Variants in NHSL2 observed in about 807,000 individuals in gnomAD.
NHSL2 encodes the protein NHS-like protein 2.
Under a neutral mutation model 53.4 loss-of-function variants are expected in NHSL2, and 27 were observed. That is an observed-to-expected ratio of 0.51 (90% confidence interval 0.37 to 0.70). The LOEUF is 0.70. NHSL2 is among the 30% of genes least tolerant of loss of function. The pLI, the probability that NHSL2 is intolerant of heterozygous loss-of-function variation, is 0.00. For synonymous variants in NHSL2, 408 were observed against 404.1 expected (o/e 1.01, Z -0.12); for missense variants, 892 against 980.1 (o/e 0.91, Z 1.20).
intron 1 of NHSL2, among the ~76,000 whole-genome samples, chrX:71,945,651 A>G (rs1243490770): frequency 8.9e-6 from 1 of 111,937 alleles, no homozygotes; most frequent in Non-Finnish European, 1.9e-5. Context: ...TTACTGAAGG[A>G]GATTATTTTT....
Position 71,972,050 on chromosome X carries a change from T to C in NHSL2, c.280+60683T>C, listed in dbSNP as rs1217979191. Among the ~76,000 whole-genome samples, 3 of 111,388 alleles carry C rather than the reference T, an allele frequency of 2.7e-5. No individual in the cohort carries two copies. The Admixed American group carries it at 2.9e-4, about 11-fold the overall frequency. ...TGTCTTTATTTTACTTTTTTTTTTT[T>C]CTGAGATGGAGTTTCACTCTTGTTT... On this transcript the variant is annotated intron_variant, in intron 1 of 7. Transcript: ENST00000633930.
At chrX:71,990,319 C>T (rs926083303) in intron 1 of NHSL2, among the ~76,000 whole-genome samples, 1 of 111,028 alleles carries the variant, frequency 9.0e-6, no homozygotes, top group Non-Finnish European at 1.9e-5. Context: ...AACAGACAGT[C>T]CCAGATTCTT....
At chrX:72,094,526 AACAAG>A in intron 1 of NHSL2, among the ~76,000 whole-genome samples, 1 of 110,698 alleles carries the variant, frequency 9.0e-6, no homozygotes, top group Non-Finnish European at 1.9e-5. Flanking sequence ...TAAAAAAAAA[AACAAG>A]ACAAGAAAAA....
At chrX:72,054,040 G>C (rs763199926) in intron 1 of NHSL2, among the ~76,000 whole-genome samples, 1 of 110,977 alleles carries the variant, frequency 9.0e-6, no homozygotes, top group Admixed American at 9.6e-5. Context: ...CCATCATGAA[G>C]AGAACCTCAC....
chrX:71,919,853 T>A (rs1490400938), intron 1 of NHSL2, among the ~76,000 whole-genome samples: 1 of 112,531 alleles, frequency 8.9e-6, no homozygotes, highest in African/African-American at 3.2e-5. Context: ...AGAGGATGGA[T>A]GCAAGCCGCA....
chrX:72,134,683 A>G lies in NHSL2; in HGVS notation c.739A>G (p.Ile247Val). 1 of 1,165,520 alleles carries G rather than the reference A, an allele frequency of 8.6e-7. No individual in the cohort carries two copies. The highest frequency in any genetic ancestry group is 1.1e-6 in the Non-Finnish European group (1 of 870,571). Residue 247 changes from isoleucine to valine, a missense_variant, in exon 4 of 8, where the codon ATT becomes GTT. Transcript: ENST00000633930. ...WPQLCSTQSD[I>V]VPINISGQQF... ...TCAGCTTTGCTCCACGCAGTCTGAC[A>G]TTGTGCCCATCAACATCTCTGGTAG...
At position 72,138,718 on chromosome X, in the gene NHSL2, T is replaced by C. The variant is rs1490849176; in HGVS notation, c.1170T>C (p.Thr390=). The C allele has an allele frequency of 1.7e-6, 2 of 1,205,296 alleles. No individual in the cohort carries two copies. Among genetic ancestry groups the C allele is most frequent in the Admixed American group, 2.2e-5 (1 of 45,281 alleles). Residue 390 remains threonine, a synonymous_variant, in exon 6 of 8, where the codon ACT becomes ACC. Transcript: ENST00000633930. ...GACCTACAGAATCAACCTTCTCCAC[T>C]TCCTGGAAGGGAGATGCTTTTACCT... ...CNGPTESTFS[T]SWKGDAFTYM...
chrX:72,034,721 T>C (rs557243769), intron 1 of NHSL2, among the ~76,000 whole-genome samples: 29 of 112,377 alleles, frequency 2.6e-4, no homozygotes, highest in African/African-American at 9.0e-4. Flanking sequence ...TGTAAAGTTG[T>C]TTATAATATC....
chrX:72,071,362 A>G (rs770418342), intron 1 of NHSL2, among the ~76,000 whole-genome samples: 1 of 112,272 alleles, frequency 8.9e-6, no homozygotes, highest in East Asian at 2.8e-4. Flanking sequence ...TTACATGGAG[A>G]TGCTCTGTGC....
intron 1 of NHSL2, among the ~76,000 whole-genome samples, chrX:72,077,841 G>A (rs1443263860): frequency 8.9e-6 from 1 of 112,235 alleles, no homozygotes; most frequent in Non-Finnish European, 1.9e-5. Context: ...GAGCAGCAGT[G>A]TTTTAGAAAG....
intron 1 of NHSL2, among the ~76,000 whole-genome samples, chrX:72,050,384 G>C (rs2042333038): frequency 9.0e-6 from 1 of 111,429 alleles, no homozygotes; most frequent in Non-Finnish European, 1.9e-5. Flanking sequence ...TTCAGTAAGT[G>C]TCTGTAGGCT....
chrX:72,051,850 C>A (rs918359801), intron 1 of NHSL2, among the ~76,000 whole-genome samples: 3 of 111,856 alleles, frequency 2.7e-5, no homozygotes, highest in Non-Finnish European at 5.6e-5. Context: ...TACACCTAGT[C>A]TCAGTGTTCA....
In NHSL2 at chrX:72,047,985, A is replaced by T. The variant is rs747318706; in HGVS notation, c.281-84094A>T. Reference sequence around the variant, plus strand: ...CCTGAGACAAACCTTGGTTCCACAGATAGCTAACCCAGACCTGTCTGTCCA... The same window carrying T: ...CCTGAGACAAACCTTGGTTCCACAGTTAGCTAACCCAGACCTGTCTGTCCA... On this transcript the variant is annotated intron_variant, in intron 1 of 7. Transcript: ENST00000633930. Among the ~76,000 whole-genome samples the T allele has an allele frequency of 2.7e-5, 3 of 109,408 alleles. No homozygotes were observed. In the East Asian group the frequency reaches 8.6e-4, roughly 31 times the overall value.
intron 1 of NHSL2, among the ~76,000 whole-genome samples, chrX:72,061,648 G>C (rs190858617): frequency 9.0e-6 from 1 of 111,502 alleles, no homozygotes. Flanking sequence ...ATATCCTGTC[G>C]CTCCCTTGCT....
At chrX:71,975,609 T>G (rs1362977996) in intron 1 of NHSL2, among the ~76,000 whole-genome samples, 1 of 111,587 alleles carries the variant, frequency 9.0e-6, no homozygotes, top group Non-Finnish European at 1.9e-5. Context: ...CTGTTTTCTC[T>G]CCTCCTCCTG....
chrX:71,998,256 A>C (rs1238815641), intron 1 of NHSL2, among the ~76,000 whole-genome samples: 4 of 112,495 alleles, frequency 3.6e-5, no homozygotes, highest in African/African-American at 1.3e-4. Flanking sequence ...CTTGTAATGG[A>C]AGGAGACTAG....
chrX:72,023,273 T>C (rs2042168976), intron 1 of NHSL2, among the ~76,000 whole-genome samples: 1 of 112,374 alleles, frequency 8.9e-6, no homozygotes, highest in South Asian at 3.7e-4. Context: ...GTGAAAATGG[T>C]TGGGGAACAG....
At chrX:71,959,990 G>A (rs1391557958) in intron 1 of NHSL2, among the ~76,000 whole-genome samples, 1 of 111,800 alleles carries the variant, frequency 8.9e-6, no homozygotes, top group Non-Finnish European at 1.9e-5. Flanking sequence ...TTTCCAAAGT[G>A]GCTATACCAT....
chrX:72,069,657 C>A, intron 1 of NHSL2: 1 of 937,440 alleles, frequency 1.1e-6, no homozygotes, highest in African/African-American at 2.0e-5. Context: ...GTGGCAGCGG[C>A]CGCCGCGGTG....
Sources: allele counts gnomAD v4.1 joint callset (sites outside exome capture counted in the v4.1 genomes callset), GRCh38; gene constraint gnomAD v4.1.1; transcripts MANE v1.5; gene names NCBI Gene and HGNC (gene_info 2026-07-23, HGNC 2026-07-21).